Variants in RSRC1 observed in about 807,000 individuals in gnomAD.
RSRC1 encodes arginine and serine rich coiled-coil 1, also known as serine/Arginine-related protein 53.
Under a neutral mutation model 49.1 loss-of-function variants are expected in RSRC1, and 39 were observed. That is an observed-to-expected ratio of 0.79 (90% confidence interval 0.61 to 1.04). RSRC1 has a LOEUF of 1.04. Among genes scored for constraint, RSRC1 ranks in the 50% least tolerant of loss-of-function variants. The probability of loss-of-function intolerance (pLI) is 0.00; values close to 1 mark genes in which losing one functional copy is unlikely to be tolerated. For missense variants in RSRC1, 388 were observed against 402.4 expected, an observed-to-expected ratio of 0.96 and a Z score of 0.31; for synonymous variants, 143 against 130.8, an observed-to-expected ratio of 1.09 and a Z score of -0.63.
intron 6 of RSRC1, among the ~76,000 whole-genome samples, chr3:158,363,704 CAAGT>C (rs1167656491): frequency 3.9e-5 from 6 of 152,200 alleles, no homozygotes; most frequent in African/African-American, 1.2e-4. Flanking sequence ...TTTCTATCCT[CAAGT>C]AAGCCTCTGA....
intron 1 of RSRC1, among the ~76,000 whole-genome samples, chr3:158,112,789 C>G (rs1714497625): frequency 1.3e-5 from 2 of 152,106 alleles, no homozygotes; most frequent in South Asian, 4.1e-4. Context: ...TCCTGATGCT[C>G]TCCCTTCCCC....
At chr3:158,145,167 T>G (rs1422232421) in intron 3 of RSRC1, among the ~76,000 whole-genome samples, 1 of 152,224 alleles carries the variant, frequency 6.6e-6, no homozygotes, top group Non-Finnish European at 1.5e-5. Flanking sequence ...TGGCTTTTGT[T>G]GCCATTGCTT....
At chr3:158,420,697 A>G (rs1273230515) in intron 6 of RSRC1, among the ~76,000 whole-genome samples, 2 of 151,968 alleles carry the variant, frequency 1.3e-5, no homozygotes, top group African/African-American at 4.8e-5. Flanking sequence ...ATACAAATTA[A>G]TAGGTTTTTA....
At chr3:158,124,816 C>A (rs1399323161) in intron 3 of RSRC1, among the ~76,000 whole-genome samples, 1 of 124,686 alleles carries the variant, frequency 8.0e-6, no homozygotes, top group Non-Finnish European at 1.6e-5. Context: ...CTTTTTCTTT[C>A]TTTCTTTTTT....
intron 6 of RSRC1, among the ~76,000 whole-genome samples, chr3:158,449,250 T>A (rs1012735225): frequency 4.6e-5 from 7 of 151,868 alleles, no homozygotes; most frequent in Non-Finnish European, 7.4e-5. Context: ...TAAAAAAAAA[T>A]TTAATAATGA....
intron 6 of RSRC1, among the ~76,000 whole-genome samples, chr3:158,417,872 CATTA>C (rs1734832097): frequency 6.6e-6 from 1 of 151,298 alleles, no homozygotes; most frequent in South Asian, 2.1e-4. Flanking sequence ...GAAAAATATA[CATTA>C]ATTAGTCAAG....
chr3:158,236,595 G>T (rs759209378), intron 4 of RSRC1, among the ~76,000 whole-genome samples: 1 of 152,120 alleles, frequency 6.6e-6, no homozygotes, highest in Non-Finnish European at 1.5e-5. Context: ...TTTTTGCTCA[G>T]CATAATGTTT....
At chr3:158,523,525 G>A (rs962604780) in intron 7 of RSRC1, among the ~76,000 whole-genome samples, 1 of 151,924 alleles carries the variant, frequency 6.6e-6, no homozygotes, top group Non-Finnish European at 1.5e-5. Context: ...CTCCATCAAG[G>A]TCTAGACACT....
Position 158,123,817 on chromosome 3 carries a change from C to G in RSRC1, c.195-49C>G, listed in dbSNP as rs752506920. The G allele has an allele frequency of 4.5e-6, 7 of 1,546,828 alleles. No homozygotes were observed. In the South Asian group the frequency reaches 8.3e-5, roughly 18 times the overall value. On this transcript the variant is annotated intron_variant, in intron 2 of 9. Coordinates refer to ENST00000611884, the MANE Select transcript of RSRC1 (RefSeq NM_001271838.2). ...ATCTAGAAGGTTTTTCCTTAATGCT[C>G]ATAATAAAAATTTTTATAGCAGTGA...
chr3:158,285,880 T>G (rs1726516711), intron 4 of RSRC1, among the ~76,000 whole-genome samples: 1 of 152,206 alleles, frequency 6.6e-6, no homozygotes, highest in Non-Finnish European at 1.5e-5. Context: ...TGAATACTCT[T>G]TATTTCCCTC....
chr3:158,492,542 AGAAATG>A (rs1739129157), intron 7 of RSRC1, among the ~76,000 whole-genome samples: 1 of 152,204 alleles, frequency 6.6e-6, no homozygotes, highest in Admixed American at 6.5e-5. Context: ...AATATAGTCC[AGAAATG>A]GGCTGGGAGG....
At chr3:158,291,928 CGTAGA>C (rs1726959270) in intron 4 of RSRC1, among the ~76,000 whole-genome samples, 1 of 152,114 alleles carries the variant, frequency 6.6e-6, no homozygotes. Context: ...AGTTTTTAGA[CGTAGA>C]GTATATTTCT....
At chr3:158,260,761 C>G (rs1383678165) in intron 4 of RSRC1, among the ~76,000 whole-genome samples, 1 of 152,172 alleles carries the variant, frequency 6.6e-6, no homozygotes, top group South Asian at 2.1e-4. Context: ...GACAGTTCAC[C>G]TCTCACTATG....
At chr3:158,500,316 CTGTAG>C (rs1278291044) in intron 7 of RSRC1, among the ~76,000 whole-genome samples, 2 of 152,044 alleles carry the variant, frequency 1.3e-5, no homozygotes, top group African/African-American at 4.8e-5. Flanking sequence ...GGATATCGGT[CTGTAG>C]TGTTCTTTTT....
At chr3:158,284,049 C>A (rs1426271193) in intron 4 of RSRC1, among the ~76,000 whole-genome samples, 1 of 150,268 alleles carries the variant, frequency 6.7e-6, no homozygotes, top group Non-Finnish European at 1.5e-5. Context: ...CCCTTCCCCC[C>A]ACCCCACAAC....
chr3:158,185,520 T>C (rs1719879412), intron 3 of RSRC1, among the ~76,000 whole-genome samples: 1 of 151,878 alleles, frequency 6.6e-6, no homozygotes, highest in Non-Finnish European at 1.5e-5. Context: ...ACTAATGAAA[T>C]TATTGGTGCT....
intron 4 of RSRC1, among the ~76,000 whole-genome samples, chr3:158,289,350 A>G (rs1232511657): frequency 6.6e-6 from 1 of 152,196 alleles, no homozygotes; most frequent in Non-Finnish European, 1.5e-5. Context: ...TCCCATTGGA[A>G]TAAGCCAAGT....
intron 4 of RSRC1, among the ~76,000 whole-genome samples, chr3:158,224,015 A>G (rs1376511327): frequency 1.3e-5 from 2 of 151,778 alleles, no homozygotes; most frequent in Non-Finnish European, 1.5e-5. Context: ...TACTTATCAC[A>G]GTGTGTAATC....
chr3:158,124,077 A>G (rs1715458209), intron 3 of RSRC1, 86 bp downstream of exon 3: 1 of 1,005,566 alleles, frequency 9.9e-7, no homozygotes, highest in South Asian at 2.2e-5. Context: ...TTTTCTTATA[A>G]TTATATAATT....
Sources: allele counts gnomAD v4.1 joint callset (sites outside exome capture counted in the v4.1 genomes callset), GRCh38; gene constraint gnomAD v4.1.1; transcripts MANE v1.5; gene names NCBI Gene and HGNC (gene_info 2026-07-23, HGNC 2026-07-21).